The following ALMS1 variants were observed in gnomAD, a reference collection of about 807,000 sequenced individuals.
The protein encoded by ALMS1 is centrosome-associated protein ALMS1.
Under a neutral mutation model 352.2 loss-of-function variants are expected in ALMS1, and 271 were observed. That is an observed-to-expected ratio of 0.77 (90% CI 0.70 to 0.85). ALMS1 has a LOEUF of 0.85. ALMS1 is among the 40% of genes least tolerant of loss of function. The pLI, the probability that ALMS1 is intolerant of heterozygous loss-of-function variation, is 0.00. For missense variants in ALMS1, 5,445 were observed against 4,870.7 expected (o/e 1.12, Z -3.51); for synonymous variants, 1,865 against 1,761.2 (o/e 1.06, Z -1.48).
At chr2:73,472,183 A>C (rs1226285682) in intron 9 of ALMS1, among the ~76,000 whole-genome samples, 1 of 152,036 alleles carries the variant, frequency 6.6e-6, no homozygotes, top group Non-Finnish European at 1.5e-5. Flanking sequence ...ATTGCCAAGG[A>C]CTGGGAGGAA....
chr2:73,520,135 C>A (rs1558679325), intron 11 of ALMS1, 119 bp downstream of exon 11: 11 of 1,277,608 alleles, frequency 8.6e-6, no homozygotes, highest in Non-Finnish European at 1.2e-5. Context: ...GAATTAGGGT[C>A]CATATGATTA....
intron 9 of ALMS1, among the ~76,000 whole-genome samples, chr2:73,472,282 G>C (rs1243365085): frequency 6.6e-6 from 1 of 151,988 alleles, no homozygotes; most frequent in Non-Finnish European, 1.5e-5. Flanking sequence ...TTTTACATTA[G>C]TAGATCTAAT....
chr2:73,509,936 T>G (rs951930704), intron 10 of ALMS1, among the ~76,000 whole-genome samples: 4 of 151,574 alleles, frequency 2.6e-5, no homozygotes, highest in African/African-American at 9.7e-5. Context: ...AGTCCCATAT[T>G]TCTTGTCTTC....
chr2:73,596,781 GT>G (rs1675558221), intron 16 of ALMS1, among the ~76,000 whole-genome samples: 1 of 148,992 alleles, frequency 6.7e-6, no homozygotes, highest in Admixed American at 6.7e-5. Context: ...ATCTAGATCT[GT>G]CCTTATATCA....
At chr2:73,539,617 A>T (rs2104002921) in intron 12 of ALMS1, among the ~76,000 whole-genome samples, 1 of 152,298 alleles carries the variant, frequency 6.6e-6, no homozygotes, top group South Asian at 2.1e-4. Flanking sequence ...AAAGAAGTTA[A>T]AAACCTTGAA....
At chr2:73,419,053 T>C in intron 2 of ALMS1, 70 bp from the exon 3 acceptor site, 1 of 1,316,920 alleles carries the variant, frequency 7.6e-7, no homozygotes, top group Non-Finnish European at 1.1e-6. Flanking sequence ...GTGGACATTT[T>C]CATCTAAATA....
chr2:73,495,236 T>C (rs531739186), intron 10 of ALMS1, among the ~76,000 whole-genome samples: 6 of 152,234 alleles, frequency 3.9e-5, no homozygotes, highest in Non-Finnish European at 5.9e-5. Context: ...GTTGTTGTTG[T>C]TGTTTTCTTT....
chr2:73,433,828 T>A (rs1372015647), intron 7 of ALMS1, among the ~76,000 whole-genome samples: 1 of 152,218 alleles, frequency 6.6e-6, no homozygotes, highest in African/African-American at 2.4e-5. Flanking sequence ...TTTTCATGAA[T>A]CAGCTTTTGC....
In ALMS1 at chr2:73,448,181, C is replaced by G; in HGVS notation, c.1654C>G (p.Leu552Val). The G allele has an allele frequency of 6.2e-7, 1 of 1,614,050 alleles. No individual in the cohort carries two copies. Among genetic ancestry groups the G allele is most frequent in the Non-Finnish European group, 8.5e-7 (1 of 1,179,930 alleles). ...AGATACTCATCTAACTGAAGAGACT[C>G]TGAAAGTCACAGCTATTCCTGAACC... ...LADTHLTEET[L>V]KVTAIPEPAD... The change falls in exon 8 of 23, where the codon CTG (leucine) becomes GTG (valine). Residue 552 changes from leucine (L) to valine (V), a missense_variant. Leu to Val is a conservative substitution (Grantham distance 32). Transcript: ENST00000613296.
intron 9 of ALMS1, among the ~76,000 whole-genome samples, chr2:73,475,318 A>C (rs1003098715): frequency 9.9e-5 from 15 of 152,068 alleles, no homozygotes; most frequent in Non-Finnish European, 1.2e-4. Flanking sequence ...CTTTTTTCTG[A>C]AGTAGCTGCA....
At chr2:73,479,399 C>T (rs918806268) in intron 9 of ALMS1, among the ~76,000 whole-genome samples, 5 of 152,136 alleles carry the variant, frequency 3.3e-5, no homozygotes, top group Non-Finnish European at 7.4e-5. Flanking sequence ...TACTGAGCTC[C>T]TGGCAACCAC....
At chr2:73,546,772 G>T (rs531300155) in intron 12 of ALMS1, among the ~76,000 whole-genome samples, 1 of 152,306 alleles carries the variant, frequency 6.6e-6, no homozygotes, top group Admixed American at 6.5e-5. Context: ...AAGCAGAAAA[G>T]AGCTTGATGC....
chr2:73,448,647 G>A lies in ALMS1; in HGVS notation c.2120G>A (p.Gly707Glu), dbSNP rs1427149217. 3 of 1,613,222 alleles carry A rather than the reference G, an allele frequency of 1.9e-6. No homozygotes were observed. Among genetic ancestry groups the A allele is most frequent in the Non-Finnish European group, 2.5e-6 (3 of 1,179,762 alleles). ...AVSGPADQKTGTATVLSTPHS... is the reference protein window; with the variant it reads ...AVSGPADQKTETATVLSTPHS... ...TCTGGACCAGCTGACCAGAAGACTG[G>A]GACAGCAACAGTACTCTCTACTCCC... The change falls in exon 8 of 23, where the codon GGG becomes GAG. Residue 707 changes from glycine (G) to glutamate (E), a missense_variant. Coordinates refer to ENST00000613296, the MANE Select transcript of ALMS1 (RefSeq NM_001378454.1).
chr2:73,596,469 CT>C lies in ALMS1; in HGVS notation c.11548-2915del, dbSNP rs755275134. ...TTCTGTTCCATTGATATGTCTGTAT[CT>C]TTTTTTTTTTTTTTTTCTTAAGACG... On this transcript the variant is annotated intron_variant, in intron 16 of 22. Transcript: ENST00000613296. Among the ~76,000 whole-genome samples the C allele has an allele frequency of 5.6e-3, 783 of 139,620 alleles. 2 individuals are homozygous for C. The highest frequency in any genetic ancestry group is 9.5e-3 in the East Asian group (46 of 4,834). 91.6% of individuals were successfully genotyped at this position (139,620 alleles called of 152,430 possible). A position where few individuals can be genotyped will look rare whatever the true frequency, so the allele number is the denominator to read the frequency against.
intron 10 of ALMS1, among the ~76,000 whole-genome samples, chr2:73,502,658 A>C (rs1673241020): frequency 6.6e-6 from 1 of 152,072 alleles, no homozygotes; most frequent in South Asian, 2.1e-4. Context: ...ATGATCATAC[A>C]TGTTTTCTCC....
intron 10 of ALMS1, among the ~76,000 whole-genome samples, chr2:73,518,108 G>C (rs570595278): frequency 1.5e-5 from 2 of 130,562 alleles, no homozygotes; most frequent in South Asian, 5.5e-4. Context: ...TTTTCTGTTT[G>C]TCTCCCCTGT....
intron 9 of ALMS1, among the ~76,000 whole-genome samples, chr2:73,468,193 C>G (rs1468225724): frequency 6.6e-6 from 1 of 151,854 alleles, no homozygotes; most frequent in African/African-American, 2.4e-5. Context: ...TAAAAAGCAT[C>G]AAGGCATAAA....
intron 16 of ALMS1, among the ~76,000 whole-genome samples, chr2:73,577,017 A>C (rs1023641964): frequency 5.3e-5 from 8 of 152,188 alleles, no homozygotes; most frequent in Admixed American, 1.3e-4. Context: ...CCACTTGATC[A>C]TAAAATTCTG....
At chr2:73,511,319 G>T (rs1399489010) in intron 10 of ALMS1, among the ~76,000 whole-genome samples, 1 of 152,060 alleles carries the variant, frequency 6.6e-6, no homozygotes, top group African/African-American at 2.4e-5. Context: ...TGGTGGTATA[G>T]GCACCCAAGG....
Sources: allele counts gnomAD v4.1 joint callset (sites outside exome capture counted in the v4.1 genomes callset), GRCh38; gene constraint gnomAD v4.1.1; transcripts MANE v1.5; gene names NCBI Gene and HGNC (gene_info 2026-07-23, HGNC 2026-07-21).